The following SMC1B variants were observed in gnomAD, a reference collection of about 807,000 sequenced individuals.
The protein encoded by SMC1B is structural maintenance of chromosomes 1B.
Under a neutral mutation model 157.9 loss-of-function variants are expected in SMC1B, and 60 were observed. The ratio of observed to expected loss-of-function variants is 0.38; its 90% CI spans 0.31 to 0.47. The LOEUF (loss-of-function observed/expected upper bound fraction) is 0.47. Among genes scored for constraint, SMC1B ranks in the 20% least tolerant of loss-of-function variants. The pLI is 0.99. For missense variants in SMC1B, 1,165 were observed against 1,426.2 expected, an observed-to-expected ratio of 0.82 and a Z score of 2.95; for synonymous variants, 445 against 483.0, an observed-to-expected ratio of 0.92 and a Z score of 1.03.
At chr22:45,405,991 T>G (rs1047569677) in intron 4 of SMC1B, among the ~76,000 whole-genome samples, 3 of 152,230 alleles carry the variant, frequency 2.0e-5, no homozygotes, top group African/African-American at 7.2e-5. Flanking sequence ...TACAGTTATC[T>G]TTCATAAAAA....
At chr22:45,350,002 T>A (rs1227506564) in intron 22 of SMC1B, among the ~76,000 whole-genome samples, 1 of 152,216 alleles carries the variant, frequency 6.6e-6, no homozygotes, top group African/African-American at 2.4e-5. Flanking sequence ...TTGGGATTGG[T>A]CACTCCCTCC....
At chr22:45,378,086 A>C (rs1309460834) in intron 12 of SMC1B, among the ~76,000 whole-genome samples, 1 of 152,116 alleles carries the variant, frequency 6.6e-6, no homozygotes, top group East Asian at 1.9e-4. Context: ...TTTTAGAGTG[A>C]CTAATAAGTT....
At chr22:45,357,086 G>A (rs1218982630) in intron 19 of SMC1B, among the ~76,000 whole-genome samples, 5 of 152,154 alleles carry the variant, frequency 3.3e-5, no homozygotes, top group African/African-American at 9.7e-5. Context: ...AGGAAAGGCA[G>A]TTTTTTGCAT....
intron 12 of SMC1B, among the ~76,000 whole-genome samples, chr22:45,373,690 G>A (rs1422837118): frequency 2.0e-5 from 3 of 152,220 alleles, no homozygotes; most frequent in Non-Finnish European, 4.4e-5. Flanking sequence ...ACAACTTGGA[G>A]GTTAGAAGCG....
At chr22:45,350,668 A>G (rs1253469595) in intron 22 of SMC1B, among the ~76,000 whole-genome samples, 1 of 152,058 alleles carries the variant, frequency 6.6e-6, no homozygotes, top group Non-Finnish European at 1.5e-5. Flanking sequence ...TCTCAAAGCA[A>G]ACTTCTCCCC....
intron 18 of SMC1B, 75 bp downstream of exon 18, chr22:45,359,730 G>A (rs1020091747): frequency 1.5e-5 from 23 of 1,493,060 alleles, no homozygotes; most frequent in South Asian, 6.2e-5. Flanking sequence ...TACAGAACAA[G>A]AGAAAGAATA....
intron 12 of SMC1B, among the ~76,000 whole-genome samples, chr22:45,373,364 C>T (rs2086853626): frequency 6.6e-6 from 1 of 152,112 alleles, no homozygotes. Context: ...CCAGATGTGC[C>T]AATACCATTT....
At chr22:45,410,599 A>T (rs2087321069) in intron 1 of SMC1B, among the ~76,000 whole-genome samples, 2 of 152,188 alleles carry the variant, frequency 1.3e-5, no homozygotes, top group Admixed American at 1.3e-4. Context: ...GCTACTCGGG[A>T]GGCTGAGGCA....
At chr22:45,380,930 AAAAC>A (rs1024728750) in intron 12 of SMC1B, among the ~76,000 whole-genome samples, 13 of 152,116 alleles carry the variant, frequency 8.5e-5, no homozygotes, top group Admixed American at 2.0e-4. Flanking sequence ...GTCTCTTTAA[AAAAC>A]AAACAAACAA....
At chr22:45,345,157 C>A (rs1325669181) in intron 24 of SMC1B, among the ~76,000 whole-genome samples, 1 of 152,174 alleles carries the variant, frequency 6.6e-6, no homozygotes, top group Non-Finnish European at 1.5e-5. Context: ...TGAAACACTG[C>A]AGAAATAAGA....
At position 45,412,498 on chromosome 22, in the gene SMC1B, C is replaced by CTT. The variant is rs56894434; in HGVS notation, c.109+959_109+960dup. ...ACAGGTGTGAGCCACCGCGCCCAGC[C>CTT]TTTTTTTTTTTTTTTTTTTTTTTTT... is the stretch of plus-strand genomic sequence containing the variant. On this transcript the variant is annotated intron_variant, in intron 1 of 24. Coordinates refer to ENST00000357450, the MANE Select transcript of SMC1B (RefSeq NM_148674.5). 3.1e-4 allele frequency among the ~76,000 whole-genome samples: 20 copies of CTT among 65,440 alleles called. 1 individual carries two copies. Among genetic ancestry groups the CTT allele is most frequent in the East Asian group, 9.6e-4 (2 of 2,086 alleles). The allele number at this position is 65,440 out of a possible 152,430, so 42.9% of individuals were successfully genotyped here.
intron 8 of SMC1B, among the ~76,000 whole-genome samples, chr22:45,394,322 C>CAA (rs1452324359): frequency 2.7e-5 from 4 of 149,546 alleles, no homozygotes; most frequent in African/African-American, 4.9e-5. Context: ...GACCCTGTCT[C>CAA]AAAAAAAAAG....
chr22:45,350,465 A>T (rs1366552203), intron 22 of SMC1B, among the ~76,000 whole-genome samples: 3 of 152,272 alleles, frequency 2.0e-5, no homozygotes, highest in Non-Finnish European at 4.4e-5. Context: ...TTTAATAGAG[A>T]TGGGGTTTCA....
At chr22:45,361,463 C>CAT in intron 17 of SMC1B, among the ~76,000 whole-genome samples, 1 of 151,826 alleles carries the variant, frequency 6.6e-6, no homozygotes, top group Admixed American at 6.6e-5. Context: ...AAGAGAAACA[C>CAT]ACACACACAC....
At chr22:45,378,708 G>C (rs1326633753) in intron 12 of SMC1B, among the ~76,000 whole-genome samples, 1 of 151,944 alleles carries the variant, frequency 6.6e-6, no homozygotes, top group African/African-American at 2.4e-5. Context: ...TCCAACTCCT[G>C]AGTTATCTTT....
intron 12 of SMC1B, among the ~76,000 whole-genome samples, chr22:45,373,531 T>A (rs1210062151): frequency 6.6e-6 from 1 of 152,266 alleles, no homozygotes; most frequent in Non-Finnish European, 1.5e-5. Flanking sequence ...AAGATTACCA[T>A]AACTTCTAAT....
At chr22:45,395,725 C>G (rs2087115198) in intron 7 of SMC1B, among the ~76,000 whole-genome samples, 1 of 152,206 alleles carries the variant, frequency 6.6e-6, no homozygotes, top group Non-Finnish European at 1.5e-5. Context: ...AGCATGGTGG[C>G]GCATGCCTGT....
At chr22:45,400,440 A>G (rs2087179127) in intron 5 of SMC1B, among the ~76,000 whole-genome samples, 1 of 152,230 alleles carries the variant, frequency 6.6e-6, no homozygotes, top group African/African-American at 2.4e-5. Context: ...CTAAGCAACA[A>G]AATCAACAAT....
rs1411279856 is a variant in SMC1B at position 45,349,792 on chromosome 22, C to T, written c.3431G>A (p.Arg1144His). The change falls in exon 23 of 25, where the codon CGT (arginine) becomes CAT (histidine). Residue 1144 changes from arginine to histidine, a missense_variant. Coordinates refer to ENST00000357450, the MANE Select transcript of SMC1B (RefSeq NM_148674.5). ...LALLFAVHSF[R>H]PAPFFVLDEV... ...ATCTAAAACAAAGAATGGGGCAGGA[C>T]GAAAACTAGAAAAAAATTACAATCA... The T allele has an allele frequency of 3.1e-6, 5 of 1,604,632 alleles. No individual in the cohort carries two copies. The highest frequency in any genetic ancestry group is 1.7e-4 in the Middle Eastern group (1 of 6,046).
Sources: gnomAD v4.1 joint callset for allele counts (sites outside exome capture counted in the v4.1 genomes callset) on GRCh38, gnomAD v4.1.1 for gene constraint, MANE v1.5 for transcripts, NCBI Gene and HGNC (gene_info 2026-07-23, HGNC 2026-07-21) for gene names.